The following MEX3C variants were observed in gnomAD, a reference collection of about 807,000 sequenced individuals.
MEX3C encodes RNA-binding E3 ubiquitin-protein ligase MEX3C.
MEX3C carries 15 observed loss-of-function variants against 35.5 expected under a neutral mutation model. That is an observed-to-expected ratio of 0.42 (90% CI 0.28 to 0.65). The LOEUF is 0.65. Ranked by LOEUF, MEX3C falls within the 30% of genes least tolerant of loss-of-function variation. The pLI is 0.20. For missense variants in MEX3C, 711 were observed against 842.8 expected, an observed-to-expected ratio of 0.84 and a Z score of 1.94; for synonymous variants, 390 against 352.8, an observed-to-expected ratio of 1.11 and a Z score of -1.18.
chr18:51,178,254 T>G (rs190010168), intron 1 of MEX3C, among the ~76,000 whole-genome samples: 2 of 152,336 alleles, frequency 1.3e-5, no homozygotes, highest in East Asian at 3.9e-4. Flanking sequence ...AGGACTGCTC[T>G]GATTGACAGA....
chr18:51,196,475 G>A, intron 1 of MEX3C, 92 bp downstream of exon 1: 1 of 1,485,384 alleles, frequency 6.7e-7, no homozygotes, highest in Non-Finnish European at 8.9e-7. Context: ...GGCCTCGCCG[G>A]GTTCGCCTTT....
At chr18:51,196,272 TG>T in intron 1 of MEX3C, 1 of 540,208 alleles carries the variant, frequency 1.9e-6, no homozygotes, top group Non-Finnish European at 3.1e-6. Context: ...CTGAGGTTTC[TG>T]GTGCCACGCC....
chr18:51,186,504 G>T (rs1409566099), intron 1 of MEX3C, among the ~76,000 whole-genome samples: 1 of 152,216 alleles, frequency 6.6e-6, no homozygotes, highest in Admixed American at 6.5e-5. Context: ...GTCACTGGAG[G>T]ATAGAATGGC....
chr18:51,176,142 T>A lies in MEX3C; in HGVS notation c.*209A>T. ...CTCTGGGTCTACAGGATAGTACTAA[T>A]AATTCAAACCAAACTAATAGACAAG... On this transcript the variant is annotated 3_prime_UTR_variant, in exon 2 of 2. Coordinates refer to ENST00000406189, the MANE Select transcript of MEX3C (RefSeq NM_016626.5). The A allele has an allele frequency of 1.9e-6, 1 of 513,688 alleles. No homozygotes were observed. Among genetic ancestry groups the A allele is most frequent in the Non-Finnish European group, 3.4e-6 (1 of 296,088 alleles). The allele number at this position is 513,688 out of a possible 1,614,324, so 31.8% of individuals were successfully genotyped here.
chr18:51,176,256 A>G lies in MEX3C; in HGVS notation c.*95T>C, dbSNP rs1004519680. On this transcript the variant is annotated 3_prime_UTR_variant, in exon 2 of 2. Coordinates refer to ENST00000406189, the MANE Select transcript of MEX3C (RefSeq NM_016626.5). ...ATCCCAATAAAGCCTGATAACAGTC[A>G]TAAGAAATCATTAGGAAGTTTACTG... The G allele has an allele frequency of 3.3e-6, 4 of 1,225,730 alleles. No homozygotes were observed. Among genetic ancestry groups the G allele is most frequent in the South Asian group, 3.3e-5 (2 of 60,608 alleles). 75.9% of individuals were successfully genotyped at this position (1,225,730 alleles called of 1,614,324 possible).
At position 51,197,237 on chromosome 18, in the gene MEX3C, TGGC is replaced by T. The variant is rs553955500; in HGVS notation, c.81_83del (p.Pro31del). The T allele has an allele frequency of 5.9e-4, 573 of 976,204 alleles. No individual in the cohort carries two copies. The highest frequency in any genetic ancestry group is 6.8e-4 in the East Asian group (6 of 8,804). The allele number at this position is 976,204 out of a possible 1,614,324, so 60.5% of individuals were successfully genotyped here. Reference sequence around the variant, plus strand: ...CCGAGGGCGGCGGCAGAGGCGGCGGTGGCGGCGGCGGCGGCGGGGGCGGCTGCG... The same window carrying T: ...CCGAGGGCGGCGGCAGAGGCGGCGGTGGCGGCGGCGGCGGGGGCGGCTGCG... On this transcript the variant is annotated inframe_deletion, in exon 1 of 2. Transcript: ENST00000406189.
At chr18:51,188,348 T>C (rs1912581352) in intron 1 of MEX3C, among the ~76,000 whole-genome samples, 1 of 152,278 alleles carries the variant, frequency 6.6e-6, no homozygotes, top group South Asian at 2.1e-4. Context: ...ATGCCTGTAA[T>C]CCCAGCACTT....
chr18:51,188,665 A>C (rs187353567), intron 1 of MEX3C, among the ~76,000 whole-genome samples: 24 of 152,290 alleles, frequency 1.6e-4, no homozygotes, highest in Admixed American at 1.4e-3. Context: ...CAATTAAAAC[A>C]ATATGGAAAG....
Position 51,176,619 on chromosome 18 carries a change from A to G in MEX3C, c.1712T>C (p.Val571Ala), listed in dbSNP as rs1912309249. The change falls in exon 2 of 2, where the codon GTT becomes GCT. Residue 571 changes from valine to alanine, a missense_variant. Coordinates refer to ENST00000406189, the MANE Select transcript of MEX3C (RefSeq NM_016626.5). ...RSDPPSTGNH[V>A]GLPIYIPAFS... ...AGCAGGGATATATATTGGAAGGCCA[A>G]CATGGTTGCCTGTACTAGGTGGGTC... 1.9e-6 allele frequency: 3 copies of G among 1,614,054 alleles called. No individual in the cohort carries two copies. The highest frequency in any genetic ancestry group is 2.2e-5 in the South Asian group (2 of 91,090).
Position 51,197,124 on chromosome 18 carries a change from C to G in MEX3C, c.197G>C (p.Gly66Ala). 9.1e-7 allele frequency: 1 copy of G among 1,093,582 alleles called. No individual in the cohort carries two copies. Among genetic ancestry groups the G allele is most frequent in the Non-Finnish European group, 1.1e-6 (1 of 904,440 alleles). 67.7% of individuals were successfully genotyped at this position (1,093,582 alleles called of 1,614,324 possible). ...TGCCGGGGCCCGAAGCGCCGGGGCG[C>G]CGGGCTCCGCCGGGCTGGGGTCGTC... Reference protein sequence around the residue: ...GLDDPSPAEPGAPALRAPAAA... With the variant: ...GLDDPSPAEPAAPALRAPAAA... Residue 66 changes from glycine to alanine, a missense_variant, in exon 1 of 2, where the codon GGC (glycine) becomes GCC (alanine). Gly to Ala is a moderately conservative substitution (Grantham distance 60). This residue lies in a region of MEX3C where 354 missense variants were observed against 311.6 expected (regional missense o/e 1.14). Coordinates refer to ENST00000406189, the MANE Select transcript of MEX3C (RefSeq NM_016626.5).
In MEX3C at chr18:51,178,159, T is replaced by C. The variant is rs147680295; in HGVS notation, c.755-583A>G. Among the ~76,000 whole-genome samples, 105 of 152,316 alleles carry C rather than the reference T, an allele frequency of 6.9e-4. No homozygotes were observed. The East Asian group carries it at 0.015, about 22-fold the overall frequency. ...AAAAAAGTAATATAGAATGATTTTGTAATCATTGTAAAGTCCTGCTCCATT... is the reference window on the plus strand; with the variant it reads ...AAAAAAGTAATATAGAATGATTTTGCAATCATTGTAAAGTCCTGCTCCATT... On this transcript the variant is annotated intron_variant, in intron 1 of 1. Coordinates refer to ENST00000406189, the MANE Select transcript of MEX3C (RefSeq NM_016626.5).
At chr18:51,192,600 T>G (rs547097574) in intron 1 of MEX3C, among the ~76,000 whole-genome samples, 8 of 152,298 alleles carry the variant, frequency 5.3e-5, no homozygotes, top group African/African-American at 1.7e-4. Flanking sequence ...TTATGCATAT[T>G]AGAAATTCAG....
rs78705279 is a variant in MEX3C at position 51,190,583 on chromosome 18, T to C, written c.754+5984A>G. Among the ~76,000 whole-genome samples the C allele has an allele frequency of 5.3e-3, 812 of 152,310 alleles. 41 individuals are homozygous for C. In the East Asian group the frequency reaches 0.12, roughly 22 times the overall value. On this transcript the variant is annotated intron_variant, in intron 1 of 1. Coordinates refer to ENST00000406189, the MANE Select transcript of MEX3C (RefSeq NM_016626.5). ...CCAAACCAGGCTTCTCTGCATGCAATGAGGAATTGTAGTCCGTACTTACCG... is the reference window on the plus strand; with the variant it reads ...CCAAACCAGGCTTCTCTGCATGCAACGAGGAATTGTAGTCCGTACTTACCG...
chr18:51,183,865 GGT>G (rs1912479740), intron 1 of MEX3C, among the ~76,000 whole-genome samples: 1 of 152,090 alleles, frequency 6.6e-6, no homozygotes, highest in East Asian at 1.9e-4. Flanking sequence ...CATGTATGGT[GGT>G]GTGTCCCTGG....
chr18:51,189,664 A>G (rs1331245630), intron 1 of MEX3C, among the ~76,000 whole-genome samples: 1 of 152,194 alleles, frequency 6.6e-6, no homozygotes, highest in Non-Finnish European at 1.5e-5. Flanking sequence ...TAAATTAGAG[A>G]TGAAAGGCAG....
At position 51,177,599 on chromosome 18, in the gene MEX3C, T is replaced by C. The variant is rs1373335119; in HGVS notation, c.755-23A>G. On this transcript the variant is annotated intron_variant, in intron 1 of 1. Transcript: ENST00000406189. This position sits in a 1 kb window ranked among gnomAD's most constrained non-coding sequence, Gnocchi z 4.2. ...AACCTGTTAGAAAGAAAACATTTCA[T>C]AAGAATCAACATCTACTTCAATGAT... 3.3e-5 allele frequency: 52 copies of C among 1,559,520 alleles called. No homozygotes were observed. Among genetic ancestry groups the C allele is most frequent in the Non-Finnish European group, 4.1e-5 (48 of 1,157,932 alleles).
intron 1 of MEX3C, among the ~76,000 whole-genome samples, chr18:51,183,967 C>T (rs1018562625): frequency 2.0e-5 from 3 of 152,112 alleles, no homozygotes; most frequent in African/African-American, 7.2e-5. Flanking sequence ...CACCAATGCA[C>T]TCCAGCCTGG....
intron 1 of MEX3C, among the ~76,000 whole-genome samples, chr18:51,190,960 A>G (rs1450808344): frequency 6.6e-6 from 1 of 152,202 alleles, no homozygotes; most frequent in Non-Finnish European, 1.5e-5. Context: ...TCACTTAAGG[A>G]TCACCTGAAT....
chr18:51,195,577 G>A (rs1488865933), intron 1 of MEX3C: 1 of 152,182 alleles, frequency 6.6e-6, no homozygotes, highest in Middle Eastern at 3.2e-3. Flanking sequence ...ACAGTAAAGA[G>A]GCATGCAACA....
Sources: allele counts gnomAD v4.1 joint callset (sites outside exome capture counted in the v4.1 genomes callset), GRCh38; gene constraint gnomAD v4.1.1; regional missense constraint gnomAD v4.1.1; non-coding constraint Gnocchi (gnomAD v3.1); transcripts MANE v1.5; gene names NCBI Gene and HGNC (gene_info 2026-07-23, HGNC 2026-07-21).